The following ADARB2 variants were observed in gnomAD, a reference collection of about 807,000 sequenced individuals.
The protein encoded by ADARB2 is adenosine deaminase RNA specific B2 (inactive), also known as inactive double-stranded RNA-specific editase B2.
ADARB2 carries 25 observed loss-of-function variants against 62.2 expected under a neutral mutation model. That is an observed-to-expected ratio of 0.40 (90% CI 0.29 to 0.56). The LOEUF (loss-of-function observed/expected upper bound fraction) is 0.56. ADARB2 is among the 20% of genes least tolerant of loss of function. The pLI is 0.43. For synonymous variants in ADARB2, 572 were observed against 500.8 expected (o/e 1.14, Z -1.90); for missense variants, 1,071 against 1,077.4 (o/e 0.99, Z 0.08).
chr10:1,342,700 G>A (rs1477783002), intron 3 of ADARB2, among the ~76,000 whole-genome samples: 1 of 152,200 alleles, frequency 6.6e-6, no homozygotes, highest in Non-Finnish European at 1.5e-5. Context: ...CGCCCCAATC[G>A]TTCAGCCACC....
chr10:1,441,117 A>C (rs1830899730), intron 1 of ADARB2, among the ~76,000 whole-genome samples: 1 of 152,230 alleles, frequency 6.6e-6, no homozygotes, highest in Admixed American at 6.5e-5. Flanking sequence ...GCATCTGTGC[A>C]GTAGACGACT....
At chr10:1,667,533 G>A (rs1036295747) in intron 1 of ADARB2, among the ~76,000 whole-genome samples, 4 of 152,166 alleles carry the variant, frequency 2.6e-5, no homozygotes, top group African/African-American at 7.2e-5. Flanking sequence ...AAAAGATGTG[G>A]ACTAGGCAAT....
intron 8 of ADARB2, among the ~76,000 whole-genome samples, chr10:1,197,955 T>G (rs1163825781): frequency 6.6e-6 from 1 of 152,250 alleles, no homozygotes; most frequent in South Asian, 2.1e-4. Context: ...GTTTTATTAA[T>G]TACTATCCCC....
intron 3 of ADARB2, among the ~76,000 whole-genome samples, chr10:1,303,197 C>G (rs1014018908): frequency 2.6e-5 from 4 of 152,020 alleles, no homozygotes; most frequent in African/African-American, 9.7e-5. Flanking sequence ...GCTGATAGAG[C>G]TGAAAACCAA....
intron 4 of ADARB2, among the ~76,000 whole-genome samples, chr10:1,260,592 T>C (rs200125850): frequency 0.36 from 54,895 of 150,454 alleles, 10,294 homozygotes; most frequent in South Asian, 0.52. Flanking sequence ...ATCCAACTTA[T>C]AAGGGATGTG....
chr10:1,432,302 A>G (rs983738351), intron 1 of ADARB2, among the ~76,000 whole-genome samples: 1 of 152,072 alleles, frequency 6.6e-6, no homozygotes, highest in African/African-American at 2.4e-5. Context: ...GAATATCAAG[A>G]TGGAATTTGT....
intron 7 of ADARB2, among the ~76,000 whole-genome samples, chr10:1,215,266 G>T (rs1173940611): frequency 6.6e-6 from 1 of 152,260 alleles, no homozygotes; most frequent in East Asian, 1.9e-4. Flanking sequence ...TGCCCCATGG[G>T]CATCTGTCTG....
chr10:1,534,673 C>T (rs78010204), intron 1 of ADARB2: 3,586 of 157,862 alleles, frequency 0.023, 137 homozygotes, highest in African/African-American at 0.081. Context: ...TACCAATGCC[C>T]GTCTCTATGG....
chr10:1,454,474 T>C (rs894282566), intron 1 of ADARB2, among the ~76,000 whole-genome samples: 1 of 152,126 alleles, frequency 6.6e-6, no homozygotes, highest in African/African-American at 2.4e-5. Context: ...GCAAAGAAAA[T>C]GTGGAATATC....
At chr10:1,557,781 G>A (rs531963393) in intron 1 of ADARB2, among the ~76,000 whole-genome samples, 100 of 152,004 alleles carry the variant, frequency 6.6e-4, no homozygotes, top group Non-Finnish European at 2.1e-4. Flanking sequence ...GGGTAGTGGT[G>A]GGCATCTGTA....
chr10:1,691,692 C>T (rs1465045503), intron 1 of ADARB2, among the ~76,000 whole-genome samples: 2 of 152,190 alleles, frequency 1.3e-5, no homozygotes, highest in Non-Finnish European at 2.9e-5. Flanking sequence ...CACATGGCTC[C>T]CTGTGTGCTC....
At chr10:1,659,426 C>T (rs1046397511) in intron 1 of ADARB2, among the ~76,000 whole-genome samples, 7 of 152,150 alleles carry the variant, frequency 4.6e-5, no homozygotes, top group Non-Finnish European at 8.8e-5. Flanking sequence ...ATCTAAAAAA[C>T]GAAAAAACCA....
chr10:1,687,140 C>CCTCA (rs978949739), intron 1 of ADARB2, among the ~76,000 whole-genome samples: 5 of 151,502 alleles, frequency 3.3e-5, no homozygotes, highest in Admixed American at 6.6e-5. Context: ...GATTCTCCTG[C>CCTCA]CTCAGCCTCC....
At chr10:1,469,024 A>G (rs1320710717) in intron 1 of ADARB2, among the ~76,000 whole-genome samples, 1 of 152,152 alleles carries the variant, frequency 6.6e-6, no homozygotes, top group African/African-American at 2.4e-5. Flanking sequence ...GTTCTTTCCA[A>G]CACAGCAACG....
intron 1 of ADARB2, among the ~76,000 whole-genome samples, chr10:1,428,193 G>A (rs574202995): frequency 2.8e-4 from 43 of 151,618 alleles, no homozygotes; most frequent in Admixed American, 1.7e-3. Flanking sequence ...GGCTGGTCTC[G>A]AACTCCTAAC....
At chr10:1,588,118 C>A (rs919442218) in intron 1 of ADARB2, among the ~76,000 whole-genome samples, 1 of 152,202 alleles carries the variant, frequency 6.6e-6, no homozygotes, top group Non-Finnish European at 1.5e-5. Flanking sequence ...AGGCTACACA[C>A]TGAGGCCACC....
At chr10:1,404,956 G>A (rs566127669) in intron 1 of ADARB2, among the ~76,000 whole-genome samples, 3 of 152,342 alleles carry the variant, frequency 2.0e-5, no homozygotes, top group African/African-American at 4.8e-5. Context: ...GCAGGACCCT[G>A]TGTCCCTTTA....
chr10:1,567,342 C>T (rs936235333), intron 1 of ADARB2, among the ~76,000 whole-genome samples: 1 of 152,202 alleles, frequency 6.6e-6, no homozygotes, highest in Non-Finnish European at 1.5e-5. Flanking sequence ...GCTTTGAGCT[C>T]GCAGGCGTGA....
intron 1 of ADARB2, among the ~76,000 whole-genome samples, chr10:1,617,086 G>C (rs1002235886): frequency 1.0e-3 from 145 of 141,862 alleles, no homozygotes; most frequent in African/African-American, 3.5e-3. Flanking sequence ...ACATTCTGTC[G>C]CTAGATGTTT....
Sources: allele counts gnomAD v4.1 joint callset (sites outside exome capture counted in the v4.1 genomes callset), GRCh38; gene constraint gnomAD v4.1.1; transcripts MANE v1.5; gene names NCBI Gene and HGNC (gene_info 2026-07-23, HGNC 2026-07-21).